The following SHROOM3 variants were observed in gnomAD, a reference collection of about 807,000 sequenced individuals.
SHROOM3 encodes the protein shroom family member 3.
A neutral mutation model predicts 138.6 loss-of-function variants in SHROOM3; 47 were observed. The observed-to-expected ratio is 0.34, with a 90% CI of 0.27 to 0.43. The LOEUF (loss-of-function observed/expected upper bound fraction) is 0.43, where lower values mean the gene tolerates loss of function less well. Ranked by LOEUF, SHROOM3 falls within the 20% of genes least tolerant of loss-of-function variation. SHROOM3 has a pLI of 1.00. For synonymous variants in SHROOM3, 1,062 were observed against 1,063.3 expected (o/e 1.00, Z 0.02); for missense variants, 2,491 against 2,596.5 (o/e 0.96, Z 0.88).
chr4:76,482,037 C>G (rs1215775804), intron 1 of SHROOM3, among the ~76,000 whole-genome samples: 3 of 152,188 alleles, frequency 2.0e-5, no homozygotes, highest in Non-Finnish European at 4.4e-5. Context: ...GACAGACCCA[C>G]AGCCAATATC....
At chr4:76,632,669 G>C (rs543713198) in intron 2 of SHROOM3, among the ~76,000 whole-genome samples, 87 of 152,330 alleles carry the variant, frequency 5.7e-4, no homozygotes, top group Non-Finnish European at 1.1e-3. Flanking sequence ...CACCATTTTA[G>C]CTAGTGATAC....
chr4:76,568,160 A>G (rs1286657296), intron 2 of SHROOM3, among the ~76,000 whole-genome samples: 1 of 152,108 alleles, frequency 6.6e-6, no homozygotes, highest in East Asian at 1.9e-4. Context: ...CTGGCACACA[A>G]ATGTGCTCAC....
intron 1 of SHROOM3, among the ~76,000 whole-genome samples, chr4:76,522,192 G>T (rs113563568): frequency 0.056 from 8,320 of 148,464 alleles, 343 homozygotes; most frequent in Non-Finnish European, 0.086. Flanking sequence ...CAACGGAGAA[G>T]TTTGAATATC....
chr4:76,731,030 T>C, intron 4 of SHROOM3, 95 bp downstream of exon 4: 1 of 1,511,264 alleles, frequency 6.6e-7, no homozygotes, highest in Non-Finnish European at 9.1e-7. Flanking sequence ...GAATGTTTTT[T>C]CTTATACTCA....
chr4:76,439,555 G>A (rs1477036714), intron 1 of SHROOM3, among the ~76,000 whole-genome samples: 1 of 152,016 alleles, frequency 6.6e-6, no homozygotes, highest in African/African-American at 2.4e-5. Flanking sequence ...CTGATCATGC[G>A]TATACTAGAT....
intron 1 of SHROOM3, among the ~76,000 whole-genome samples, chr4:76,456,723 G>T (rs533514764): frequency 6.6e-6 from 1 of 152,214 alleles, no homozygotes; most frequent in Non-Finnish European, 1.5e-5. Context: ...ATGCGCGTCC[G>T]TGTAAAGAGA....
intron 2 of SHROOM3, among the ~76,000 whole-genome samples, chr4:76,642,321 A>C (rs1735693654): frequency 6.6e-6 from 1 of 152,230 alleles, no homozygotes; most frequent in African/African-American, 2.4e-5. Context: ...CCCCAAAGCC[A>C]TGTAACAGGG....
chr4:76,752,454 AT>A (rs1378973025), intron 6 of SHROOM3, among the ~76,000 whole-genome samples: 2 of 152,128 alleles, frequency 1.3e-5, no homozygotes, highest in African/African-American at 4.8e-5. Context: ...TCTAACCACA[AT>A]TTTTTAAAAA....
chr4:76,478,047 G>A (rs569233141), intron 1 of SHROOM3, among the ~76,000 whole-genome samples: 6 of 152,220 alleles, frequency 3.9e-5, no homozygotes, highest in African/African-American at 1.2e-4. Flanking sequence ...AAAACTGGGC[G>A]GTTGTTTGGG....
chr4:76,489,995 A>C (rs561108058), intron 1 of SHROOM3, among the ~76,000 whole-genome samples: 3 of 152,310 alleles, frequency 2.0e-5, no homozygotes, highest in African/African-American at 7.2e-5. Flanking sequence ...GGGCCTGGAT[A>C]TAGAATCTTC....
At chr4:76,746,663 T>C (rs1160290567) in intron 5 of SHROOM3, among the ~76,000 whole-genome samples, 1 of 152,134 alleles carries the variant, frequency 6.6e-6, no homozygotes, top group Non-Finnish European at 1.5e-5. Flanking sequence ...TAGTAGTTAC[T>C]TGAAATATTC....
intron 2 of SHROOM3, among the ~76,000 whole-genome samples, chr4:76,684,670 T>G (rs943414672): frequency 6.6e-6 from 1 of 152,140 alleles, no homozygotes; most frequent in Non-Finnish European, 1.5e-5. Flanking sequence ...GGTGCTTTGG[T>G]CACTGTGAAA....
intron 2 of SHROOM3, among the ~76,000 whole-genome samples, chr4:76,623,848 C>G (rs1411092024): frequency 6.6e-6 from 1 of 152,084 alleles, no homozygotes; most frequent in South Asian, 2.1e-4. Context: ...GAGATCTGGG[C>G]GGGGGAAGGG....
intron 2 of SHROOM3, among the ~76,000 whole-genome samples, chr4:76,603,328 G>T (rs1217422924): frequency 6.6e-6 from 1 of 152,180 alleles, no homozygotes; most frequent in Non-Finnish European, 1.5e-5. Context: ...TGAGGCAGGA[G>T]AATCACTTGA....
At chr4:76,446,367 C>T (rs1178735130) in intron 1 of SHROOM3, among the ~76,000 whole-genome samples, 1 of 150,014 alleles carries the variant, frequency 6.7e-6, no homozygotes, top group Non-Finnish European at 1.5e-5. Flanking sequence ...CTGTGTGCAA[C>T]AGTCAGTCAA....
At position 76,436,196 on chromosome 4, in the gene SHROOM3, C is replaced by T. The variant is rs895464924; in HGVS notation, c.144C>T (p.His48=). The change falls in exon 1 of 11, where the codon CAC becomes CAT. Residue 48 remains histidine (H), a synonymous_variant. Transcript: ENST00000296043. The part of the protein sequence containing the change: ...WGFTLKGGLE[H]GEPLIISKVE... ...TTACTCTAAAGGGTGGCCTGGAGCACGGAGAACCATTAATCATCTCTAAGG... is the reference window on the plus strand; with the variant it reads ...TTACTCTAAAGGGTGGCCTGGAGCATGGAGAACCATTAATCATCTCTAAGG... The T allele has an allele frequency of 2.7e-5, 44 of 1,613,862 alleles. No homozygotes were observed. The highest frequency in any genetic ancestry group is 4.0e-5 in the African/African-American group (3 of 74,892).
intron 2 of SHROOM3, among the ~76,000 whole-genome samples, chr4:76,624,438 G>C (rs1377808045): frequency 6.6e-6 from 1 of 152,084 alleles, no homozygotes; most frequent in Non-Finnish European, 1.5e-5. Flanking sequence ...TTCATTCTTG[G>C]GAAGTTTTTA....
rs191667465 is a variant in SHROOM3 at position 76,652,529 on chromosome 4, G to A, written c.324-57627G>A. Among the ~76,000 whole-genome samples, 242 of 152,264 alleles carry A rather than the reference G, an allele frequency of 1.6e-3. 1 individual carries two copies. The highest frequency in any genetic ancestry group is 1.6e-3 in the Non-Finnish European group (110 of 68,026). On this transcript the variant is annotated intron_variant, in intron 2 of 10. Transcript: ENST00000296043. Reference sequence around the variant, plus strand: ...GTATTATAGGTTACACATAGCTGATGGGACTATGAAGTCCCTGAGAAGTAG... The same window carrying A: ...GTATTATAGGTTACACATAGCTGATAGGACTATGAAGTCCCTGAGAAGTAG...
intron 2 of SHROOM3, among the ~76,000 whole-genome samples, chr4:76,696,959 C>A (rs770642653): frequency 6.6e-6 from 1 of 151,996 alleles, no homozygotes; most frequent in East Asian, 1.9e-4. Flanking sequence ...GTTCTGTTGC[C>A]CAAGTGGGGT....
Sources: gnomAD v4.1 joint callset for allele counts (sites outside exome capture counted in the v4.1 genomes callset) on GRCh38, gnomAD v4.1.1 for gene constraint, MANE v1.5 for transcripts, NCBI Gene and HGNC (gene_info 2026-07-23, HGNC 2026-07-21) for gene names.